The following PCDHGA10 variants were observed in gnomAD, a reference collection of about 807,000 sequenced individuals.
The protein encoded by PCDHGA10 is protocadherin gamma-A10.
Under a neutral mutation model 59.5 loss-of-function variants are expected in PCDHGA10, and 42 were observed. The observed-to-expected ratio is 0.71, with a 90% CI of 0.55 to 0.91. The LOEUF (loss-of-function observed/expected upper bound fraction) is 0.91, where lower values mean the gene tolerates loss of function less well. Ranked by LOEUF, PCDHGA10 falls within the 40% of genes least tolerant of loss-of-function variation. The probability of loss-of-function intolerance (pLI) is 0.00; values close to 1 mark genes in which losing one functional copy is unlikely to be tolerated. For synonymous variants in PCDHGA10, 511 were observed against 517.2 expected (o/e 0.99, Z 0.16); for missense variants, 1,111 against 1,198.2 (o/e 0.93, Z 1.07).
intron 1 of PCDHGA10, chr5:141,439,852 G>A (rs182049678): frequency 1.3e-5 from 2 of 152,474 alleles, no homozygotes; most frequent in African/African-American, 4.8e-5. Context: ...CTGTGGAAAA[G>A]GTGGGGAATG....
intron 1 of PCDHGA10, chr5:141,492,046 AC>A (rs955983612): frequency 2.0e-6 from 1 of 494,316 alleles, no homozygotes; most frequent in African/African-American, 2.0e-5. Context: ...TCACAGATCC[AC>A]CCCTGCAGCC....
intron 1 of PCDHGA10, among the ~76,000 whole-genome samples, chr5:141,468,890 G>A (rs2099184679): frequency 6.6e-6 from 1 of 151,592 alleles, no homozygotes; most frequent in African/African-American, 2.4e-5. Flanking sequence ...TAATAATAAG[G>A]TACTAATATG....
At chr5:141,448,216 G>A (rs766377717) in intron 1 of PCDHGA10, among the ~76,000 whole-genome samples, 41 of 152,046 alleles carry the variant, frequency 2.7e-4, no homozygotes, top group African/African-American at 1.7e-4. Context: ...GTGTGTATGC[G>A]AATGTATGTG....
rs781378958 is a variant in PCDHGA10, at chr5:141,414,290, T to C, written c.1115T>C (p.Leu372Pro). The change falls in exon 1 of 4, where the codon CTT (leucine) becomes CCT (proline). Residue 372 changes from leucine (L) to proline (P), a missense_variant. Physicochemically the swap from Leu to Pro is moderately conservative, Grantham distance 98. Transcript: ENST00000398610. ...EDSPLGTVVALLNVHDLDSEQ... is the reference protein window; with the variant it reads ...EDSPLGTVVAPLNVHDLDSEQ... ...TCACCTCTGGGAACAGTCGTAGCCC[T>C]TTTAAATGTGCATGATTTAGACTCT... The C allele has an allele frequency of 6.2e-7, 1 of 1,613,272 alleles. No homozygotes were observed. The highest frequency in any genetic ancestry group is 1.7e-5 in the Admixed American group (1 of 59,948).
In PCDHGA10 at chr5:141,489,950, A is replaced by C. The variant is rs1055715796; in HGVS notation, c.2437-4857A>C. 1 of 1,614,192 alleles carries C rather than the reference A, an allele frequency of 6.2e-7. No homozygotes were observed. The highest frequency in any genetic ancestry group is 1.3e-5 in the African/African-American group (1 of 75,060). ...TCTGTCATCGTGCTGGACATCAATG[A>C]TAATGCTCCAACCTTCCAATCCTCA... is the stretch of plus-strand genomic sequence containing the variant. On this transcript the variant is annotated intron_variant, in intron 1 of 3. Coordinates refer to ENST00000398610, the MANE Select transcript of PCDHGA10 (RefSeq NM_018913.3). The surrounding 1 kb of genome is among the most constrained non-coding windows in gnomAD (Gnocchi z 4.5).
chr5:141,464,079 A>G (rs996899520), intron 1 of PCDHGA10, among the ~76,000 whole-genome samples: 3 of 152,124 alleles, frequency 2.0e-5, no homozygotes, highest in Non-Finnish European at 4.4e-5. Flanking sequence ...AGCCTGGCCA[A>G]CATGGTGAAA....
intron 1 of PCDHGA10, among the ~76,000 whole-genome samples, chr5:141,470,256 A>G (rs1043528709): frequency 6.6e-6 from 1 of 152,228 alleles, no homozygotes; most frequent in African/African-American, 2.4e-5. Flanking sequence ...ACCTGTCTAA[A>G]TGGAGATACA....
chr5:141,487,013 C>T lies in PCDHGA10; in HGVS notation c.2437-7794C>T. ...GGTTTCCTATCAGCTCCTGGAGGCC[C>T]CAGATCCCAGCCTGTTTGCAGTCTC... On this transcript the variant is annotated intron_variant, in intron 1 of 3. Coordinates refer to ENST00000398610, the MANE Select transcript of PCDHGA10 (RefSeq NM_018913.3). The surrounding 1 kb of genome is among the most constrained non-coding windows in gnomAD (Gnocchi z 5.0). The T allele has an allele frequency of 1.2e-6, 2 of 1,614,220 alleles. No individual in the cohort carries two copies. Among genetic ancestry groups the T allele is most frequent in the Non-Finnish European group, 1.7e-6 (2 of 1,180,040 alleles).
Position 141,476,556 on chromosome 5 carries a change from C to A in PCDHGA10, c.2437-18251C>A. 1 of 1,614,234 alleles carries A rather than the reference C, an allele frequency of 6.2e-7. No homozygotes were observed. Among genetic ancestry groups the A allele is most frequent in the Non-Finnish European group, 8.5e-7 (1 of 1,180,036 alleles). ...GAAATGAAATTGGAGATTAGCGAGG[C>A]CGTGGCTCCGGGGACGCGCTTTCCG... On this transcript the variant is annotated intron_variant, in intron 1 of 3. Coordinates refer to ENST00000398610, the MANE Select transcript of PCDHGA10 (RefSeq NM_018913.3). The surrounding 1 kb of genome is among the most constrained non-coding windows in gnomAD (Gnocchi z 7.6).
At chr5:141,481,732 T>G (rs549671056) in intron 1 of PCDHGA10, among the ~76,000 whole-genome samples, 33 of 151,884 alleles carry the variant, frequency 2.2e-4, no homozygotes, top group Non-Finnish European at 4.3e-4. Context: ...GGCGGGCGGA[T>G]CACGAGGTCA....
At chr5:141,494,365 C>A (rs193174055) in intron 1 of PCDHGA10, among the ~76,000 whole-genome samples, 20 of 152,290 alleles carry the variant, frequency 1.3e-4, no homozygotes, top group Non-Finnish European at 2.2e-4. Context: ...GCAGAGGATG[C>A]TTTGTTCCCA....
rs748223478 is a variant in PCDHGA10 at position 141,415,687 on chromosome 5, G to T, written c.2436+76G>T. ...TTACTTTGAAGTTTGCGGCATGATG[G>T]TGGAAAGTGTAAATGCTAAAACACT... On this transcript the variant is annotated intron_variant, in intron 1 of 3. Coordinates refer to ENST00000398610, the MANE Select transcript of PCDHGA10 (RefSeq NM_018913.3). 1.1e-5 allele frequency: 17 copies of T among 1,535,300 alleles called. No individual in the cohort carries two copies. In the South Asian group the frequency reaches 1.3e-4, roughly 12 times the overall value.
At chr5:141,420,250 A>G (rs757203976) in intron 1 of PCDHGA10, 2 of 1,578,784 alleles carry the variant, frequency 1.3e-6, no homozygotes, top group South Asian at 1.2e-5. Context: ...CCAGCGTTGA[A>G]GCAGATAAGA....
At position 141,490,909 on chromosome 5, in the gene PCDHGA10, G is replaced by A. The variant is rs1170664693; in HGVS notation, c.2437-3898G>A. On this transcript the variant is annotated intron_variant, in intron 1 of 3. Coordinates refer to ENST00000398610, the MANE Select transcript of PCDHGA10 (RefSeq NM_018913.3). The surrounding 1 kb of genome is among the most constrained non-coding windows in gnomAD (Gnocchi z 5.4). ...ATCTCTGCATGTGTTTGTCCTAGAC[G>A]AGAATGATAATGCCCCAGCTGTGCT... The A allele has an allele frequency of 1.1e-5, 17 of 1,613,626 alleles. No individual in the cohort carries two copies. Among genetic ancestry groups the A allele is most frequent in the East Asian group, 4.5e-5 (2 of 44,882 alleles).
intron 1 of PCDHGA10, among the ~76,000 whole-genome samples, chr5:141,470,877 T>C (rs1438812002): frequency 1.3e-5 from 2 of 151,808 alleles, no homozygotes; most frequent in Non-Finnish European, 2.9e-5. Context: ...TTTGTTTTTT[T>C]GTTTTTGTTT....
At chr5:141,458,403 C>T (rs1057108239) in intron 1 of PCDHGA10, among the ~76,000 whole-genome samples, 6 of 152,136 alleles carry the variant, frequency 3.9e-5, no homozygotes, top group African/African-American at 1.2e-4. Context: ...CTTGCAGAGA[C>T]GGAGCGGGGG....
chr5:141,460,726 A>G lies in PCDHGA10; in HGVS notation c.2437-34081A>G, dbSNP rs545089217. ...GAGAATAAACTATTGTTATAAGCAT[A>G]TATACACATTGTATATATATGTGTA... On this transcript the variant is annotated intron_variant, in intron 1 of 3. Coordinates refer to ENST00000398610, the MANE Select transcript of PCDHGA10 (RefSeq NM_018913.3). Among the ~76,000 whole-genome samples the G allele has an allele frequency of 6.6e-5, 10 of 152,252 alleles. No homozygotes were observed. In the East Asian group the frequency reaches 1.9e-3, roughly 29 times the overall value.
intron 1 of PCDHGA10, among the ~76,000 whole-genome samples, chr5:141,454,795 A>G (rs79012896): frequency 9.1e-6 from 1 of 110,272 alleles, no homozygotes; most frequent in South Asian, 3.0e-4. Flanking sequence ...CCATGGTTCT[A>G]ATTTTTTTTT....
rs1411406878 is a variant in PCDHGA10, at chr5:141,414,951, G to A, written c.1776G>A (p.Val592=). ...GCTCCGCAGAGCCCGGCTACCTGGT[G>A]ACCAAGGTGGTGGCGGTGGACAGAG... ...APRSAEPGYL[V]TKVVAVDRDS... Residue 592 remains valine, a synonymous_variant, in exon 1 of 4, where the codon GTG becomes GTA. Coordinates refer to ENST00000398610, the MANE Select transcript of PCDHGA10 (RefSeq NM_018913.3). 5.6e-6 allele frequency: 9 copies of A among 1,614,092 alleles called. No individual in the cohort carries two copies. Among genetic ancestry groups the A allele is most frequent in the Non-Finnish European group, 7.6e-6 (9 of 1,180,050 alleles).
Sources: allele counts gnomAD v4.1 joint callset (sites outside exome capture counted in the v4.1 genomes callset), GRCh38; gene constraint gnomAD v4.1.1; non-coding constraint Gnocchi (gnomAD v3.1); transcripts MANE v1.5; gene names NCBI Gene and HGNC (gene_info 2026-07-23, HGNC 2026-07-21).